The following CCND3 variants were observed in gnomAD, a reference collection of about 807,000 sequenced individuals.
CCND3 encodes cyclin D3, also known as G1/S-specific cyclin-D3.
CCND3 carries 9 observed loss-of-function variants against 28.7 expected under a neutral mutation model. That is an observed-to-expected ratio of 0.31 (90% CI 0.19 to 0.55). CCND3 has a LOEUF of 0.55. CCND3 is among the 20% of genes least tolerant of loss of function. The pLI is 0.93. For missense variants in CCND3, 315 were observed against 385.8 expected (o/e 0.82, Z 1.54); for synonymous variants, 164 against 163.9 (o/e 1.00, Z 0.00).
Position 41,935,507 on chromosome 6 carries a change from C to G in CCND3, c.*433G>C, listed in dbSNP as rs910374356. On this transcript the variant is annotated 3_prime_UTR_variant, in exon 5 of 5. Transcript: ENST00000372991. ...TTCCCCCTCATATGTGTCTATCATG[C>G]ATTAAATTTTAGAGGGACCCCAATC... The G allele has an allele frequency of 3.2e-6, 1 of 315,236 alleles. No individual in the cohort carries two copies. The highest frequency in any genetic ancestry group is 4.5e-5 in the Admixed American group (1 of 22,436). 19.5% of individuals were successfully genotyped at this position (315,236 alleles called of 1,614,324 possible). A position where few individuals can be genotyped will look rare whatever the true frequency, so the allele number is the denominator to read the frequency against.
intron 1 of CCND3, among the ~76,000 whole-genome samples, chr6:42,043,054 A>G (rs1414225212): frequency 6.6e-6 from 1 of 152,236 alleles, no homozygotes; most frequent in Non-Finnish European, 1.5e-5. Flanking sequence ...TGTGTAAGGA[A>G]GCAAGCTGCT....
intron 1 of CCND3, among the ~76,000 whole-genome samples, chr6:42,011,502 G>C (rs552541465): frequency 9.2e-5 from 14 of 152,110 alleles, no homozygotes; most frequent in African/African-American, 3.1e-4. Context: ...AGTGGGGTCC[G>C]GGATTATGTA....
At chr6:42,018,278 C>G (rs942740227) in intron 1 of CCND3, 1 of 151,742 alleles carries the variant, frequency 6.6e-6, no homozygotes, top group Non-Finnish European at 1.5e-5. Context: ...CTGCAAGCTC[C>G]GCCTCCCGGG....
chr6:41,973,168 G>A (rs967672979), intron 1 of CCND3, among the ~76,000 whole-genome samples: 2 of 152,094 alleles, frequency 1.3e-5, no homozygotes, highest in Admixed American at 1.3e-4. Context: ...ACAAATCCCT[G>A]GGGTAAAACA....
upstream of CCND3, among the ~76,000 whole-genome samples, chr6:41,946,595 C>CAAAAAAAAAAAAAAAA (rs35369019): frequency 4.8e-5 from 1 of 20,932 alleles, no homozygotes; most frequent in Non-Finnish European, 8.3e-5. Context: ...AGACCTGTCT[C>CAAAAAAAAAAAAAAAA]AAAAAAAAAA....
At chr6:41,961,728 C>T (rs1761721604) in intron 1 of CCND3, among the ~76,000 whole-genome samples, 1 of 152,132 alleles carries the variant, frequency 6.6e-6, no homozygotes, top group East Asian at 1.9e-4. Flanking sequence ...TTTGACATTG[C>T]TCCAGCTCTA....
chr6:42,033,016 T>C (rs1454288147), intron 1 of CCND3, among the ~76,000 whole-genome samples: 1 of 152,208 alleles, frequency 6.6e-6, no homozygotes, highest in Non-Finnish European at 1.5e-5. Flanking sequence ...GCTTTTTAAA[T>C]GGCAAGTCGT....
At chr6:42,006,300 G>A (rs1763173385) in intron 1 of CCND3, among the ~76,000 whole-genome samples, 1 of 128,142 alleles carries the variant, frequency 7.8e-6, no homozygotes, top group African/African-American at 2.6e-5. Context: ...TAGATTTAGA[G>A]GTTTAAAAAA....
chr6:42,040,043 G>A (rs1764323913), intron 1 of CCND3, among the ~76,000 whole-genome samples: 1 of 152,238 alleles, frequency 6.6e-6, no homozygotes, highest in Non-Finnish European at 1.5e-5. Context: ...TGTCTCAACA[G>A]GGAACCCAGT....
intron 1 of CCND3, among the ~76,000 whole-genome samples, chr6:41,950,713 C>CTTT (rs760874931): frequency 3.2e-4 from 44 of 137,178 alleles, no homozygotes; most frequent in Non-Finnish European, 5.5e-4. Context: ...TTTTTTTTTT[C>CTTT]TTTTTTTTTT....
intron 1 of CCND3, among the ~76,000 whole-genome samples, chr6:42,003,126 C>A (rs547863719): frequency 1.4e-5 from 2 of 146,074 alleles, no homozygotes; most frequent in South Asian, 2.1e-4. Flanking sequence ...CGTGCCACTG[C>A]ACTCCAGCCT....
At chr6:41,956,690 A>G (rs761342073) in intron 1 of CCND3, among the ~76,000 whole-genome samples, 4 of 152,256 alleles carry the variant, frequency 2.6e-5, no homozygotes, top group African/African-American at 9.6e-5. Flanking sequence ...AAACCTATAT[A>G]CATCTTGGAT....
At chr6:42,002,778 C>T (rs539227085) in intron 1 of CCND3, among the ~76,000 whole-genome samples, 16 of 150,988 alleles carry the variant, frequency 1.1e-4, no homozygotes, top group Admixed American at 2.6e-4. Context: ...GGCGTGAACC[C>T]GGGAGGCAGA....
intron 1 of CCND3, among the ~76,000 whole-genome samples, chr6:42,029,539 A>T (rs1407759325): frequency 2.6e-5 from 4 of 152,028 alleles, no homozygotes; most frequent in Non-Finnish European, 5.9e-5. Flanking sequence ...TGAGACCCCC[A>T]CACATACTCT....
At chr6:42,033,270 GGT>G (rs1764096095) in intron 1 of CCND3, among the ~76,000 whole-genome samples, 1 of 151,450 alleles carries the variant, frequency 6.6e-6, no homozygotes, top group African/African-American at 2.4e-5. Context: ...TGGCCAACAT[GGT>G]GAAACCTCCT....
At chr6:42,021,271 G>T (rs552234369) in intron 1 of CCND3, among the ~76,000 whole-genome samples, 43 of 152,240 alleles carry the variant, frequency 2.8e-4, no homozygotes, top group Admixed American at 6.5e-4. Flanking sequence ...TATACAGAGA[G>T]TCTGGTACTA....
chr6:41,985,400 G>A (rs1398028039), intron 1 of CCND3, among the ~76,000 whole-genome samples: 3 of 131,076 alleles, frequency 2.3e-5, no homozygotes, highest in African/African-American at 8.6e-5. Context: ...TGCAACCTCC[G>A]CCTCCCGGGT....
chr6:41,936,477 GGAGGTTTCCCTCTACT>G lies in CCND3; in HGVS notation c.711+66_711+81del. The stretch of plus-strand genomic sequence containing the variant: ...CAGGACTTGGGACCAGGTTGGGGTT[GGAGGTTTCCCTCTACT>G]GGAGGCTCAGGGCATAGCACTACTT... On this transcript the variant is annotated intron_variant, in intron 4 of 4. Coordinates refer to ENST00000372991, the MANE Select transcript of CCND3 (RefSeq NM_001760.5). The surrounding 1 kb of genome is among the most constrained non-coding windows in gnomAD (Gnocchi z 4.4). The G allele has an allele frequency of 2.7e-6, 4 of 1,503,392 alleles. No individual in the cohort carries two copies. Among genetic ancestry groups the G allele is most frequent in the Non-Finnish European group, 3.6e-6 (4 of 1,097,606 alleles). The allele number at this position is 1,503,392 out of a possible 1,614,324, so 93.1% of individuals were successfully genotyped here.
At chr6:41,943,895 T>C (rs1191044439), upstream of CCND3, among the ~76,000 whole-genome samples, 1 of 152,226 alleles carries the variant, frequency 6.6e-6, no homozygotes, top group African/African-American at 2.4e-5. Flanking sequence ...GGGATGTTTG[T>C]TTTCTCTTAT....
Sources: gnomAD v4.1 joint callset for allele counts (sites outside exome capture counted in the v4.1 genomes callset) on GRCh38, gnomAD v4.1.1 for gene constraint, Gnocchi (gnomAD v3.1) non-coding constraint, MANE v1.5 for transcripts, NCBI Gene and HGNC (gene_info 2026-07-23, HGNC 2026-07-21) for gene names.